Variants in WWTR1 observed in about 807,000 individuals in gnomAD.
WWTR1 encodes the protein WW domain containing transcription regulator 1.
In WWTR1, 13 loss-of-function variants were observed where a neutral mutation model predicts 40.1. The observed-to-expected ratio is 0.32, with a 90% CI of 0.21 to 0.52. WWTR1 has a LOEUF of 0.52. WWTR1 is among the 20% of genes least tolerant of loss of function. The pLI, the probability that WWTR1 is intolerant of heterozygous loss-of-function variation, is 0.97. For missense variants in WWTR1, 436 were observed against 523.1 expected, an observed-to-expected ratio of 0.83 and a Z score of 1.63; for synonymous variants, 230 against 210.1, an observed-to-expected ratio of 1.09 and a Z score of -0.82.
chr3:149,529,199 T>C (rs1007270536), intron 4 of WWTR1, among the ~76,000 whole-genome samples: 2 of 152,220 alleles, frequency 1.3e-5, no homozygotes, highest in African/African-American at 4.8e-5. Context: ...GGTCTCACTG[T>C]CCCTCAAACC....
At chr3:149,705,471 G>C (rs1446653535), upstream of WWTR1, among the ~76,000 whole-genome samples, 1 of 152,210 alleles carries the variant, frequency 6.6e-6, no homozygotes, top group Non-Finnish European at 1.5e-5. Flanking sequence ...TTGTACAAGA[G>C]ACAAGATGCC....
intron 5 of WWTR1, among the ~76,000 whole-genome samples, chr3:149,714,355 C>T (rs1000191512): frequency 5.3e-5 from 8 of 152,170 alleles, no homozygotes; most frequent in Non-Finnish European, 1.2e-4. Flanking sequence ...TCTCAGGGGC[C>T]CAGGAAGGCC....
intron 2 of WWTR1, among the ~76,000 whole-genome samples, chr3:149,646,218 C>T (rs758607270): frequency 2.0e-5 from 3 of 152,136 alleles, no homozygotes; most frequent in South Asian, 2.1e-4. Context: ...TTAGATAGGT[C>T]GTTAAGAGAG....
chr3:149,619,850 C>T (rs1740186569), intron 2 of WWTR1, among the ~76,000 whole-genome samples: 1 of 152,142 alleles, frequency 6.6e-6, no homozygotes, highest in South Asian at 2.1e-4. Flanking sequence ...CTCGCACAGG[C>T]TGAAACTGGA....
chr3:149,721,791 T>C (rs967562762), intron 4 of WWTR1, among the ~76,000 whole-genome samples: 11 of 152,216 alleles, frequency 7.2e-5, no homozygotes, highest in Non-Finnish European at 1.6e-4. Context: ...CTTGAACTCC[T>C]GGGCTCAAAC....
At chr3:149,700,086 A>G (rs1180737892) in intron 1 of WWTR1, among the ~76,000 whole-genome samples, 1 of 152,218 alleles carries the variant, frequency 6.6e-6, no homozygotes, top group Non-Finnish European at 1.5e-5. Context: ...GGCTTCAGGA[A>G]CTTTTGGTTA....
intron 3 of WWTR1, among the ~76,000 whole-genome samples, chr3:149,724,518 T>C (rs1576653038): frequency 6.8e-6 from 1 of 148,032 alleles, no homozygotes; most frequent in Admixed American, 6.8e-5. Flanking sequence ...AAAAAGGCAG[T>C]TTTTAATCCT....
At chr3:149,555,761 CCT>C (rs1020905074) in intron 3 of WWTR1, among the ~76,000 whole-genome samples, 2 of 152,056 alleles carry the variant, frequency 1.3e-5, no homozygotes, top group African/African-American at 4.8e-5. Flanking sequence ...ATTCATTTCC[CCT>C]GTTTCTAGGA....
chr3:149,545,962 G>A (rs1378643809), intron 3 of WWTR1, among the ~76,000 whole-genome samples: 1 of 152,204 alleles, frequency 6.6e-6, no homozygotes, highest in East Asian at 1.9e-4. Flanking sequence ...GCTGCATTGG[G>A]CGTACTCTCA....
chr3:149,525,884 G>A, intron 6 of WWTR1, 129 bp downstream of exon 6: 1 of 539,248 alleles, frequency 1.9e-6, no homozygotes, highest in Non-Finnish European at 3.0e-6. Context: ...ACCTGCACAT[G>A]TACCCCCAAA....
chr3:149,597,372 G>A (rs1309264262), intron 2 of WWTR1, among the ~76,000 whole-genome samples: 12 of 143,064 alleles, frequency 8.4e-5, no homozygotes, highest in African/African-American at 3.1e-4. Flanking sequence ...CAAGATGGGT[G>A]ATAGATTGAG....
In WWTR1 at chr3:149,646,004, T is replaced by A. The variant is rs183780701; in HGVS notation, c.431+10872A>T. Among the ~76,000 whole-genome samples the A allele has an allele frequency of 2.3e-3, 356 of 152,318 alleles. 2 individuals are homozygous for A. The highest frequency in any genetic ancestry group is 8.1e-3 in the African/African-American group (336 of 41,572). ...GTAGAAGCCACAAAGACATAAAATATATTATGTACTAGAAAACAGATTATA... is the reference window on the plus strand; with the variant it reads ...GTAGAAGCCACAAAGACATAAAATAAATTATGTACTAGAAAACAGATTATA... On this transcript the variant is annotated intron_variant, in intron 2 of 6. Coordinates refer to ENST00000360632, the MANE Select transcript of WWTR1 (RefSeq NM_015472.6).
intron 3 of WWTR1, among the ~76,000 whole-genome samples, chr3:149,565,798 C>T (rs893273373): frequency 6.6e-6 from 1 of 151,828 alleles, no homozygotes; most frequent in Admixed American, 6.6e-5. Flanking sequence ...GTAATCCCAG[C>T]TACTTGGGAG....
At chr3:149,583,826 T>C (rs923498483) in intron 2 of WWTR1, among the ~76,000 whole-genome samples, 5 of 152,160 alleles carry the variant, frequency 3.3e-5, no homozygotes, top group Non-Finnish European at 5.9e-5. Context: ...AAGGTGGCAG[T>C]GAAACAACGA....
chr3:149,661,893 T>A (rs113930877), upstream of WWTR1, among the ~76,000 whole-genome samples: 1 of 151,896 alleles, frequency 6.6e-6, no homozygotes, highest in East Asian at 1.9e-4. Flanking sequence ...CCACCACACC[T>A]GGCTAATTTT....
upstream of WWTR1, chr3:149,661,397 T>A (rs1713567700): frequency 6.6e-6 from 1 of 151,430 alleles, no homozygotes; most frequent in South Asian, 2.1e-4. Context: ...AGAATGTGCA[T>A]TCTAAGAATA....
chr3:149,537,925 AT>A (rs1263644461), intron 4 of WWTR1, among the ~76,000 whole-genome samples: 189 of 147,616 alleles, frequency 1.3e-3, no homozygotes, highest in Non-Finnish European at 1.1e-3. Flanking sequence ...TATATTTTTA[AT>A]TTTTTTTTTT....
chr3:149,661,570 C>G (rs577522754), upstream of WWTR1, among the ~76,000 whole-genome samples: 98 of 151,996 alleles, frequency 6.4e-4, no homozygotes, highest in Middle Eastern at 3.4e-3. Context: ...TACAGACGTG[C>G]ACCACCACGC....
intron 2 of WWTR1, among the ~76,000 whole-genome samples, chr3:149,632,254 A>T (rs1711583865): frequency 6.6e-6 from 1 of 152,188 alleles, no homozygotes; most frequent in African/African-American, 2.4e-5. Context: ...ATTTATTTTT[A>T]TAGCCTTGAG....
Sources: gnomAD v4.1 joint callset for allele counts (sites outside exome capture counted in the v4.1 genomes callset) on GRCh38, gnomAD v4.1.1 for gene constraint, MANE v1.5 for transcripts, NCBI Gene and HGNC (gene_info 2026-07-23, HGNC 2026-07-21) for gene names.